STK38: variants seen among roughly 807,000 people sequenced by gnomAD.
STK38 encodes the protein serine/threonine-protein kinase 38.
STK38 carries 26 observed loss-of-function variants against 59.0 expected under a neutral mutation model. The ratio of observed to expected loss-of-function variants is 0.44; its 90% CI spans 0.32 to 0.61. STK38 has a LOEUF of 0.61. Ranked by LOEUF, STK38 falls within the 20% of genes least tolerant of loss-of-function variation. The pLI is 0.04. For missense variants in STK38, 433 were observed against 566.0 expected (o/e 0.76, Z 2.38); for synonymous variants, 175 against 176.6 (o/e 0.99, Z 0.07).
intron 2 of STK38, among the ~76,000 whole-genome samples, chr6:36,527,307 C>T (rs543993781): frequency 0.022 from 2,863 of 131,902 alleles, 97 homozygotes; most frequent in African/African-American, 0.071. Context: ...TATGTATATA[C>T]GTATATATAC....
chr6:36,527,207 A>AAAATATATATATATATAT (rs60162863), intron 2 of STK38, among the ~76,000 whole-genome samples: 5 of 119,356 alleles, frequency 4.2e-5, no homozygotes, highest in Admixed American at 3.1e-4. Flanking sequence ...AAAAAAAAAA[A>AAAATATATATATATATAT]ATATATGTAT....
chr6:36,538,951 T>C (rs1053415585), intron 2 of STK38, among the ~76,000 whole-genome samples: 1 of 139,972 alleles, frequency 7.1e-6, no homozygotes, highest in Non-Finnish European at 1.6e-5. Flanking sequence ...CAAGAATGGA[T>C]AGATGGATAT....
chr6:36,513,047 T>C (rs1328606043), intron 7 of STK38, among the ~76,000 whole-genome samples: 1 of 152,006 alleles, frequency 6.6e-6, no homozygotes, highest in Non-Finnish European at 1.5e-5. Context: ...TTAGATGGAG[T>C]CTTGCTCTGT....
intron 2 of STK38, among the ~76,000 whole-genome samples, chr6:36,529,480 G>A (rs1337479526): frequency 6.6e-6 from 1 of 152,176 alleles, no homozygotes; most frequent in African/African-American, 2.4e-5. Context: ...TCCAGCCCTT[G>A]GTGGAGCCAC....
At chr6:36,543,537 G>A (rs1777990960) in intron 1 of STK38, among the ~76,000 whole-genome samples, 1 of 152,106 alleles carries the variant, frequency 6.6e-6, no homozygotes, top group Non-Finnish European at 1.5e-5. Flanking sequence ...TTGAGCCCAG[G>A]AGTTCATGAG....
intron 2 of STK38, among the ~76,000 whole-genome samples, chr6:36,536,524 A>T (rs962681467): frequency 6.6e-6 from 1 of 151,942 alleles, no homozygotes; most frequent in African/African-American, 2.4e-5. Context: ...AATTTTTTTT[A>T]ATTTTAATTT....
chr6:36,507,327 A>G (rs1366215964), intron 8 of STK38, among the ~76,000 whole-genome samples, 173 bp downstream of exon 8: 1 of 152,034 alleles, frequency 6.6e-6, no homozygotes, highest in African/African-American at 2.4e-5. Context: ...GTACCCACTC[A>G]TTCATCTTGC....
chr6:36,507,731 G>A, intron 7 of STK38, 129 bp from the exon 8 acceptor site: 2 of 586,460 alleles, frequency 3.4e-6, no homozygotes, highest in Non-Finnish European at 3.0e-6. Flanking sequence ...TTTTATGATA[G>A]GAAAAATCAT....
chr6:36,540,933 C>G (rs1432844609), intron 1 of STK38, among the ~76,000 whole-genome samples: 2 of 149,794 alleles, frequency 1.3e-5, no homozygotes, highest in African/African-American at 4.9e-5. Context: ...GAGTCTCGCT[C>G]TGTCGCCCAG....
intron 2 of STK38, among the ~76,000 whole-genome samples, chr6:36,535,220 G>A (rs993069999): frequency 2.6e-5 from 4 of 152,138 alleles, no homozygotes; most frequent in African/African-American, 9.7e-5. Context: ...GGGAGGAGGC[G>A]GGTGGATCAC....
intron 2 of STK38, among the ~76,000 whole-genome samples, chr6:36,534,304 AAG>A (rs1187187225): frequency 2.6e-5 from 4 of 152,152 alleles, no homozygotes; most frequent in Admixed American, 2.0e-4. Context: ...TAATAATAAA[AAG>A]AAAAAATTCA....
chr6:36,494,930 T>A lies in STK38; in HGVS notation c.*854A>T, dbSNP rs1185546787. ...TTCCCAGGAATAAATTGAGTTCCCA[T>A]TGGCAGCACTTGCAGGTATTGCTAG... On this transcript the variant is annotated 3_prime_UTR_variant, in exon 14 of 14. Coordinates refer to ENST00000229812, the MANE Select transcript of STK38 (RefSeq NM_007271.4). The A allele has an allele frequency of 6.6e-6, 1 of 152,240 alleles. No homozygotes were observed. The highest frequency in any genetic ancestry group is 6.6e-5 in the Admixed American group (1 of 15,266). 9.4% of individuals were successfully genotyped at this position (152,240 alleles called of 1,614,324 possible). A position where few individuals can be genotyped will look rare whatever the true frequency, so the allele number is the denominator to read the frequency against.
chr6:36,534,105 A>C (rs1397044944), intron 2 of STK38, among the ~76,000 whole-genome samples: 3 of 152,218 alleles, frequency 2.0e-5, no homozygotes, highest in Non-Finnish European at 4.4e-5. Context: ...AGATAATACA[A>C]TGTCATCAAG....
chr6:36,502,677 A>T (rs1305098228), intron 9 of STK38, among the ~76,000 whole-genome samples: 1 of 152,222 alleles, frequency 6.6e-6, no homozygotes, highest in Non-Finnish European at 1.5e-5. Flanking sequence ...CACGAGTTCA[A>T]CTGAAGAACC....
At chr6:36,543,629 T>C (rs955486113) in intron 1 of STK38, among the ~76,000 whole-genome samples, 4 of 151,864 alleles carry the variant, frequency 2.6e-5, no homozygotes, top group African/African-American at 9.7e-5. Flanking sequence ...AAAAGAATCA[T>C]GAGAGTCAAA....
At chr6:36,542,341 C>T (rs183932970) in intron 1 of STK38, among the ~76,000 whole-genome samples, 9 of 152,080 alleles carry the variant, frequency 5.9e-5, no homozygotes, top group Admixed American at 4.6e-4. Context: ...ATAAAGGGAA[C>T]AATATGACAA....
intron 3 of STK38, 82 bp downstream of exon 3, chr6:36,525,509 G>A: frequency 7.6e-7 from 1 of 1,320,552 alleles, no homozygotes; most frequent in African/African-American, 1.5e-5. Context: ...CCCTTCTCAT[G>A]TGTACCAAGG....
In STK38 at chr6:36,538,238, A is replaced by G. The variant is rs571815340; in HGVS notation, c.131+1834T>C. On this transcript the variant is annotated intron_variant, in intron 2 of 13. Coordinates refer to ENST00000229812, the MANE Select transcript of STK38 (RefSeq NM_007271.4). Reference sequence around the variant, plus strand: ...AGAATGGCGTGAACCTGGGAGGCGGAGCTTACAGTGAGCCGAGATCACGCC... The same window carrying G: ...AGAATGGCGTGAACCTGGGAGGCGGGGCTTACAGTGAGCCGAGATCACGCC... 2.6e-5 allele frequency among the ~76,000 whole-genome samples: 4 copies of G among 151,968 alleles called. No individual in the cohort carries two copies. The East Asian group carries it at 5.8e-4, about 22-fold the overall frequency.
chr6:36,522,876 A>AAAAAAAAAAAAAAAG (rs774099487), intron 4 of STK38, among the ~76,000 whole-genome samples: 16 of 98,832 alleles, frequency 1.6e-4, no homozygotes, highest in Non-Finnish European at 1.8e-4. Flanking sequence ...AAAAAAAAAA[A>AAAAAAAAAAAAAAAG]AAGAAGAAGA....
Sources: gnomAD v4.1 joint callset for allele counts (sites outside exome capture counted in the v4.1 genomes callset) on GRCh38, gnomAD v4.1.1 for gene constraint, MANE v1.5 for transcripts, NCBI Gene and HGNC (gene_info 2026-07-23, HGNC 2026-07-21) for gene names.